Variants in ANK2 observed in about 807,000 individuals in gnomAD.
The protein encoded by ANK2 is ankyrin 2.
In ANK2, 83 loss-of-function variants were observed where a neutral mutation model predicts 360.5. The observed-to-expected ratio is 0.23, with a 90% CI of 0.19 to 0.28. ANK2 has a LOEUF of 0.28. Ranked by LOEUF, ANK2 falls within the 10% of genes least tolerant of loss-of-function variation. The pLI is 1.00. For synonymous variants in ANK2, 1,740 were observed against 1,759.5 expected (o/e 0.99, Z 0.28); for missense variants, 4,201 against 4,795.7 (o/e 0.88, Z 3.66).
the ANK2 span, among the ~76,000 whole-genome samples, chr4:112,729,921 A>G: frequency 6.6e-6 from 1 of 152,144 alleles, no homozygotes; most frequent in Non-Finnish European, 1.5e-5. Flanking sequence ...ACACTGCATG[A>G]TCTCACTTAT....
chr4:112,818,417 C>A (rs1328760693), intron 1 of ANK2, among the ~76,000 whole-genome samples: 1 of 152,198 alleles, frequency 6.6e-6, no homozygotes, highest in Non-Finnish European at 1.5e-5. Flanking sequence ...AGTTCAAAGG[C>A]AGCGCTGATG....
chr4:112,835,620 C>G (rs1042016213), intron 1 of ANK2, among the ~76,000 whole-genome samples: 2 of 151,758 alleles, frequency 1.3e-5, no homozygotes, highest in Non-Finnish European at 2.9e-5. Flanking sequence ...TTTTTTCTTT[C>G]CTTCAATTTA....
chr4:112,951,599 G>C (rs865946456), intron 2 of ANK2, among the ~76,000 whole-genome samples: 1 of 151,918 alleles, frequency 6.6e-6, no homozygotes, highest in African/African-American at 2.4e-5. Flanking sequence ...TATTGTTCGA[G>C]ATTATGGTTT....
At chr4:113,160,512 A>G (rs2097491217) in intron 1 of ANK2, 1 of 231,528 alleles carries the variant, frequency 4.3e-6, no homozygotes, top group Non-Finnish European at 8.8e-6. Flanking sequence ...TGATCCCCCA[A>G]ATTTTCACTA....
chr4:112,849,133 A>G (rs1720677733), intron 1 of ANK2, among the ~76,000 whole-genome samples: 1 of 152,230 alleles, frequency 6.6e-6, no homozygotes. Flanking sequence ...CAAAAAAGTG[A>G]CATGTAAGAC....
At chr4:113,295,930 G>A (rs758881198) in intron 22 of ANK2, among the ~76,000 whole-genome samples, 1 of 151,968 alleles carries the variant, frequency 6.6e-6, no homozygotes, top group Non-Finnish European at 1.5e-5. Context: ...ATCTATTCTG[G>A]GAGTCTTCTT....
intron 1 of ANK2, among the ~76,000 whole-genome samples, chr4:113,107,486 G>A (rs992650569): frequency 2.0e-5 from 3 of 152,008 alleles, no homozygotes; most frequent in Admixed American, 1.3e-4. Context: ...CAAAGTGCTG[G>A]GATTATAGGC....
At chr4:112,906,638 C>T (rs770900176) in intron 2 of ANK2, among the ~76,000 whole-genome samples, 19 of 151,976 alleles carry the variant, frequency 1.3e-4, no homozygotes, top group Admixed American at 9.8e-4. Flanking sequence ...CTGTAGGATG[C>T]GTGCAGATAC....
chr4:113,288,835 C>CCT (rs922658207), intron 20 of ANK2, among the ~76,000 whole-genome samples: 1 of 152,178 alleles, frequency 6.6e-6, no homozygotes, highest in Admixed American at 6.5e-5. Flanking sequence ...GACCCCTTCT[C>CCT]CTCTCATGAA....
chr4:112,829,391 C>T (rs1022752224), intron 1 of ANK2, among the ~76,000 whole-genome samples: 7 of 149,356 alleles, frequency 4.7e-5, no homozygotes, highest in Middle Eastern at 6.4e-3. Flanking sequence ...TGCAGTGGCT[C>T]ATGCCTATAA....
At chr4:113,114,552 C>T (rs920621475) in intron 1 of ANK2, among the ~76,000 whole-genome samples, 2 of 91,612 alleles carry the variant, frequency 2.2e-5, no homozygotes, top group African/African-American at 3.7e-5. Flanking sequence ...ACTCTGTTAA[C>T]CATCCCTAAA....
chr4:113,163,741 G>A (rs183681302), intron 1 of ANK2, among the ~76,000 whole-genome samples: 1,626 of 117,648 alleles, frequency 0.014, 14 homozygotes, highest in Non-Finnish European at 0.02. Flanking sequence ...TCCAGCCTGG[G>A]CAACAAGAGT....
intron 9 of ANK2, among the ~76,000 whole-genome samples, chr4:113,246,712 T>C (rs72898083): frequency 0.026 from 3,933 of 152,282 alleles, 183 homozygotes; most frequent in African/African-American, 0.09. Context: ...CCCTTCTTAC[T>C]TGTTATTAGG....
At chr4:113,303,656 TA>T (rs2075964507) in intron 23 of ANK2, among the ~76,000 whole-genome samples, 2 of 151,966 alleles carry the variant, frequency 1.3e-5, no homozygotes, top group South Asian at 4.1e-4. Flanking sequence ...AATGTGCTAC[TA>T]AAAAATCATG....
chr4:113,017,809 C>T (rs2057039273), intron 2 of ANK2, among the ~76,000 whole-genome samples: 1 of 152,132 alleles, frequency 6.6e-6, no homozygotes, highest in South Asian at 2.1e-4. Context: ...GTATGTGATG[C>T]AATGGGATTC....
At chr4:113,345,818 T>C (rs2094783512) in intron 34 of ANK2, 82 bp from the exon 35 acceptor site, 1 of 1,566,744 alleles carries the variant, frequency 6.4e-7, no homozygotes, top group African/African-American at 1.4e-5. Flanking sequence ...TGAATTTTAC[T>C]TTTCCCTTTC....
At chr4:113,137,754 C>T (rs2096490809) in intron 1 of ANK2, among the ~76,000 whole-genome samples, 2 of 152,062 alleles carry the variant, frequency 1.3e-5, no homozygotes, top group Non-Finnish European at 1.5e-5. Flanking sequence ...CACATATAAA[C>T]ATCAGCATGA....
intron 1 of ANK2, among the ~76,000 whole-genome samples, chr4:113,135,519 C>CTG (rs1554167121): frequency 6.8e-6 from 1 of 146,912 alleles, no homozygotes. Flanking sequence ...CTGTGTGTGT[C>CTG]TCTCTGTGTG....
chr4:112,953,090 C>T (rs2095129725), intron 2 of ANK2, among the ~76,000 whole-genome samples: 1 of 152,124 alleles, frequency 6.6e-6, no homozygotes, highest in African/African-American at 2.4e-5. Context: ...GTAAGAAACC[C>T]AGACCAGAGA....
Sources: gnomAD v4.1 joint callset for allele counts (sites outside exome capture counted in the v4.1 genomes callset) on GRCh38, gnomAD v4.1.1 for gene constraint, MANE v1.5 for transcripts, NCBI Gene and HGNC (gene_info 2026-07-23, HGNC 2026-07-21) for gene names.